Variants in SENP6 observed in about 807,000 individuals in gnomAD.
The protein encoded by SENP6 is sentrin-specific protease 6.
Under a neutral mutation model 134.5 loss-of-function variants are expected in SENP6, and 41 were observed. That is an observed-to-expected ratio of 0.30 (90% CI 0.24 to 0.40). The LOEUF (loss-of-function observed/expected upper bound fraction) is 0.40. SENP6 is among the 10% of genes least tolerant of loss of function. The probability of loss-of-function intolerance (pLI) is 1.00; values close to 1 mark genes in which losing one functional copy is unlikely to be tolerated. For missense variants in SENP6, 1,248 were observed against 1,312.5 expected (o/e 0.95, Z 0.76); for synonymous variants, 395 against 429.8 (o/e 0.92, Z 1.00).
intron 10 of SENP6, among the ~76,000 whole-genome samples, chr6:75,669,624 T>C (rs1772516124): frequency 6.6e-6 from 1 of 152,188 alleles, no homozygotes; most frequent in Non-Finnish European, 1.5e-5. Context: ...ATGAAGTGTT[T>C]ATGATAAATT....
chr6:75,653,660 GTTT>G (rs35936649), intron 7 of SENP6, among the ~76,000 whole-genome samples: 1 of 146,076 alleles, frequency 6.8e-6, no homozygotes, highest in Non-Finnish European at 1.5e-5. Flanking sequence ...GGAATGTTGT[GTTT>G]TTTTTTTTTA....
chr6:75,696,956 T>C (rs1393616647), intron 17 of SENP6, among the ~76,000 whole-genome samples: 1 of 152,188 alleles, frequency 6.6e-6, no homozygotes, highest in Non-Finnish European at 1.5e-5. Flanking sequence ...TATTCTCTTA[T>C]TTCAGCAATT....
At position 75,678,395 on chromosome 6, in the gene SENP6, A is replaced by G. The variant is rs1026140975; in HGVS notation, c.1849-188A>G. On this transcript the variant is annotated intron_variant, in intron 14 of 23. Transcript: ENST00000447266. ...GGGAGAGTATCACTATCTAGAAGCT[A>G]CAGATAATAAGAAAGTGGCCCCTAG... The G allele has an allele frequency of 3.3e-5, 17 of 510,418 alleles. No individual in the cohort carries two copies. The Admixed American group carries it at 4.8e-4, about 14-fold the overall frequency. The allele number at this position is 510,418 out of a possible 1,614,324, so 31.6% of individuals were successfully genotyped here.
At chr6:75,628,053 G>A (rs1768833819) in intron 3 of SENP6, among the ~76,000 whole-genome samples, 1 of 152,144 alleles carries the variant, frequency 6.6e-6, no homozygotes, top group Admixed American at 6.5e-5. Context: ...ATGTTTTAAA[G>A]TAAAACCTAC....
chr6:75,607,770 C>G (rs1291066309), intron 1 of SENP6, among the ~76,000 whole-genome samples: 1 of 152,186 alleles, frequency 6.6e-6, no homozygotes, highest in African/African-American at 2.4e-5. Flanking sequence ...AGCAAAAATG[C>G]TTCTGTCTCC....
At chr6:75,675,207 GGAAA>G (rs777777918) in intron 11 of SENP6, among the ~76,000 whole-genome samples, 1 of 151,772 alleles carries the variant, frequency 6.6e-6, no homozygotes, top group African/African-American at 2.4e-5. Context: ...AAAAAAAAGA[GGAAA>G]GAAAGACTGA....
chr6:75,700,417 A>G (rs987872382), intron 18 of SENP6, among the ~76,000 whole-genome samples: 4 of 152,240 alleles, frequency 2.6e-5, no homozygotes, highest in Non-Finnish European at 5.9e-5. Context: ...GCTAAGAAAT[A>G]TTAAGAACTG....
At chr6:75,667,078 TTA>T in intron 10 of SENP6, 137 bp downstream of exon 10, 2 of 474,982 alleles carry the variant, frequency 4.2e-6, no homozygotes, top group Non-Finnish European at 7.6e-6. Flanking sequence ...ACATGGGAGA[TTA>T]TTTGGAAGAA....
intron 6 of SENP6, among the ~76,000 whole-genome samples, chr6:75,642,661 T>C (rs1476558690): frequency 6.6e-6 from 1 of 152,234 alleles, no homozygotes; most frequent in Non-Finnish European, 1.5e-5. Flanking sequence ...GGATTTTATA[T>C]TAGTGCGATA....
At chr6:75,619,018 C>CT (rs34039869) in intron 1 of SENP6, among the ~76,000 whole-genome samples, 43,543 of 140,260 alleles carry the variant, frequency 0.31, 7,127 homozygotes, top group African/African-American at 0.45. Context: ...CACTTTCAGG[C>CT]TTTTTTTTTT....
intron 16 of SENP6, chr6:75,679,830 T>G (rs1773340962): frequency 6.6e-6 from 1 of 152,262 alleles, no homozygotes; most frequent in African/African-American, 2.4e-5. Context: ...TTTCTTATAC[T>G]GTGTTTCATT....
chr6:75,674,633 A>C (rs1339759580), intron 11 of SENP6, among the ~76,000 whole-genome samples: 1 of 152,190 alleles, frequency 6.6e-6, no homozygotes, highest in African/African-American at 2.4e-5. Flanking sequence ...AATGTCCCCA[A>C]ATAATTTGTT....
At chr6:75,669,542 G>A (rs1772509029) in intron 10 of SENP6, among the ~76,000 whole-genome samples, 1 of 151,842 alleles carries the variant, frequency 6.6e-6, no homozygotes, top group Non-Finnish European at 1.5e-5. Context: ...TTTCTGTCAA[G>A]ATATTGTTTT....
chr6:75,709,192 A>C (rs1428024626), intron 19 of SENP6, among the ~76,000 whole-genome samples: 1 of 152,212 alleles, frequency 6.6e-6, no homozygotes, highest in Non-Finnish European at 1.5e-5. Flanking sequence ...TCATTACTAA[A>C]GATACCTGAC....
chr6:75,641,271 C>G (rs1482094368), intron 6 of SENP6, among the ~76,000 whole-genome samples: 1 of 152,134 alleles, frequency 6.6e-6, no homozygotes, highest in African/African-American at 2.4e-5. Flanking sequence ...TATATTTATG[C>G]TAATAAGTGA....
At chr6:75,621,968 A>T (rs891862656) in intron 2 of SENP6, among the ~76,000 whole-genome samples, 2 of 152,224 alleles carry the variant, frequency 1.3e-5, no homozygotes, top group African/African-American at 4.8e-5. Flanking sequence ...ACCATTTATC[A>T]TGAGTAAGTG....
intron 3 of SENP6, among the ~76,000 whole-genome samples, chr6:75,628,796 T>C (rs1184853934): frequency 6.6e-6 from 1 of 152,230 alleles, no homozygotes; most frequent in African/African-American, 2.4e-5. Context: ...CTCGGCTCAC[T>C]GCAGCCTCTT....
chr6:75,679,201 C>T, intron 16 of SENP6: 1 of 274,878 alleles, frequency 3.6e-6, no homozygotes, highest in South Asian at 4.8e-5. Flanking sequence ...ATCGCTTGAG[C>T]CCAAGAGTTC....
At chr6:75,660,099 T>C (rs1026555695) in intron 8 of SENP6, among the ~76,000 whole-genome samples, 4 of 152,224 alleles carry the variant, frequency 2.6e-5, no homozygotes, top group South Asian at 2.1e-4. Context: ...CACAGTCTTA[T>C]CTTTTTCATA....
Sources: allele counts gnomAD v4.1 joint callset (sites outside exome capture counted in the v4.1 genomes callset), GRCh38; gene constraint gnomAD v4.1.1; transcripts MANE v1.5; gene names NCBI Gene and HGNC (gene_info 2026-07-23, HGNC 2026-07-21).